The following ZDHHC21 variants were observed in gnomAD, a reference collection of about 807,000 sequenced individuals.
The protein encoded by ZDHHC21 is palmitoyltransferase ZDHHC21.
In ZDHHC21, 15 loss-of-function variants were observed where a neutral mutation model predicts 34.6. That is an observed-to-expected ratio of 0.43 (90% CI 0.29 to 0.67). The LOEUF is 0.67. Ranked by LOEUF, ZDHHC21 falls within the 30% of genes least tolerant of loss-of-function variation. The probability of loss-of-function intolerance (pLI) is 0.14; values close to 1 mark genes in which losing one functional copy is unlikely to be tolerated. For synonymous variants in ZDHHC21, 142 were observed against 101.8 expected (o/e 1.40, Z -2.38); for missense variants, 344 against 327.7 (o/e 1.05, Z -0.38).
chr9:14,681,092 T>G (rs966009713), intron 2 of ZDHHC21, among the ~76,000 whole-genome samples: 1 of 152,202 alleles, frequency 6.6e-6, no homozygotes, highest in Non-Finnish European at 1.5e-5. Context: ...TTCATCCTTT[T>G]GACCACAACC....
chr9:14,678,896 C>T (rs755587779), intron 3 of ZDHHC21, among the ~76,000 whole-genome samples: 3 of 152,044 alleles, frequency 2.0e-5, no homozygotes, highest in Non-Finnish European at 4.4e-5. Context: ...CTACCCACAA[C>T]ATACTGCTGA....
In ZDHHC21 at chr9:14,672,815, T is replaced by A. The variant is rs760644476; in HGVS notation, c.253+15A>T. On this transcript the variant is annotated intron_variant, in intron 5 of 9. Coordinates refer to ENST00000380916, the MANE Select transcript of ZDHHC21 (RefSeq NM_178566.6). ...TTCTGGCATCAGCAAAACTGATAAA[T>A]CCAGAGTACCATACCTCCATGTGGG... The A allele has an allele frequency of 6.4e-7, 1 of 1,570,712 alleles. No homozygotes were observed. Among genetic ancestry groups the A allele is most frequent in the African/African-American group, 1.4e-5 (1 of 73,606 alleles).
chr9:14,662,916 G>C (rs1833667097), intron 5 of ZDHHC21, among the ~76,000 whole-genome samples: 1 of 152,108 alleles, frequency 6.6e-6, no homozygotes, highest in Non-Finnish European at 1.5e-5. Context: ...TATGGGTTTG[G>C]GAGGTATCAG....
At chr9:14,619,491 T>A in intron 9 of ZDHHC21, 148 bp downstream of exon 9, 1 of 625,974 alleles carries the variant, frequency 1.6e-6, no homozygotes, top group Non-Finnish European at 2.6e-6. Flanking sequence ...ACTGTAAGAC[T>A]GGGGTAGCTT....
chr9:14,664,418 A>C (rs905795973), intron 5 of ZDHHC21, among the ~76,000 whole-genome samples: 6 of 150,516 alleles, frequency 4.0e-5, no homozygotes, highest in African/African-American at 1.5e-4. Flanking sequence ...GCAAGGCGGC[A>C]GCCAGGCTGG....
chr9:14,639,646 A>G (rs1042979120), intron 8 of ZDHHC21, among the ~76,000 whole-genome samples: 1 of 152,116 alleles, frequency 6.6e-6, no homozygotes, highest in African/African-American at 2.4e-5. Context: ...GTATCAATAA[A>G]AAACTATAAA....
intron 8 of ZDHHC21, among the ~76,000 whole-genome samples, chr9:14,638,771 A>G (rs753384268): frequency 4.6e-5 from 7 of 152,082 alleles, no homozygotes; most frequent in Non-Finnish European, 1.0e-4. Flanking sequence ...GAAAAGTACC[A>G]TCATTAATCA....
intron 7 of ZDHHC21, among the ~76,000 whole-genome samples, chr9:14,654,203 A>G (rs1831771916): frequency 6.6e-6 from 1 of 152,092 alleles, no homozygotes; most frequent in Admixed American, 6.6e-5. Context: ...TATTGGAATA[A>G]AGGCAAATTG....
At chr9:14,622,684 T>C (rs1825508860) in intron 8 of ZDHHC21, 1 of 984,990 alleles carries the variant, frequency 1.0e-6, no homozygotes, top group Non-Finnish European at 1.2e-6. Flanking sequence ...AAGAGTCCTT[T>C]GGCACACCTG....
At chr9:14,640,514 TATAA>T (rs1564261223) in intron 7 of ZDHHC21, among the ~76,000 whole-genome samples, 1 of 152,078 alleles carries the variant, frequency 6.6e-6, no homozygotes, top group African/African-American at 2.4e-5. Flanking sequence ...AGAAATCATA[TATAA>T]TAGGATCATA....
chr9:14,619,513 G>A, intron 9 of ZDHHC21, 126 bp downstream of exon 9: 1 of 791,772 alleles, frequency 1.3e-6, no homozygotes, highest in East Asian at 3.3e-5. Context: ...CCTAGCACAG[G>A]CCTCAGACAA....
At chr9:14,634,879 T>C (rs1400392339) in intron 8 of ZDHHC21, among the ~76,000 whole-genome samples, 2 of 151,274 alleles carry the variant, frequency 1.3e-5, no homozygotes, top group African/African-American at 2.4e-5. Context: ...CCCAGAAAAA[T>C]AATTCAAAAT....
At chr9:14,620,810 A>G (rs1461199566) in intron 8 of ZDHHC21, among the ~76,000 whole-genome samples, 1 of 152,020 alleles carries the variant, frequency 6.6e-6, no homozygotes, top group East Asian at 1.9e-4. Context: ...ATAACCAACA[A>G]CATAGTTTCA....
chr9:14,690,666 A>G (rs894626138), intron 1 of ZDHHC21, among the ~76,000 whole-genome samples: 1 of 152,186 alleles, frequency 6.6e-6, no homozygotes, highest in Non-Finnish European at 1.5e-5. Context: ...AGGTCTAAAG[A>G]GCAAAACAAA....
intron 5 of ZDHHC21, among the ~76,000 whole-genome samples, chr9:14,670,258 G>A (rs1835213936): frequency 6.6e-6 from 1 of 152,044 alleles, no homozygotes; most frequent in Non-Finnish European, 1.5e-5. Flanking sequence ...TGTATTCTCA[G>A]AAGAGAGCAC....
chr9:14,638,197 G>C (rs536581875), intron 8 of ZDHHC21, among the ~76,000 whole-genome samples: 1 of 152,044 alleles, frequency 6.6e-6, no homozygotes, highest in East Asian at 1.9e-4. Context: ...CAGACCAAGG[G>C]AACAGAATAG....
intron 3 of ZDHHC21, among the ~76,000 whole-genome samples, chr9:14,675,572 A>G (rs1429551538): frequency 1.3e-5 from 2 of 151,938 alleles, no homozygotes; most frequent in East Asian, 1.9e-4. Flanking sequence ...TGTTACCACA[A>G]TGAGTTGAAC....
chr9:14,666,644 ACTGT>A (rs1373210512), intron 5 of ZDHHC21, among the ~76,000 whole-genome samples: 2 of 109,576 alleles, frequency 1.8e-5, no homozygotes, highest in African/African-American at 3.1e-5. Context: ...ATTATAACAA[ACTGT>A]CTCTCAGACC....
At chr9:14,624,923 TTATTA>T (rs1361958006) in intron 8 of ZDHHC21, among the ~76,000 whole-genome samples, 2 of 152,110 alleles carry the variant, frequency 1.3e-5, no homozygotes, top group African/African-American at 2.4e-5. Flanking sequence ...CTATGTACAA[TTATTA>T]TATATCAATC....
Sources: gnomAD v4.1 joint callset for allele counts (sites outside exome capture counted in the v4.1 genomes callset) on GRCh38, gnomAD v4.1.1 for gene constraint, MANE v1.5 for transcripts, NCBI Gene and HGNC (gene_info 2026-07-23, HGNC 2026-07-21) for gene names.